ZNF282: variants seen among roughly 807,000 people sequenced by gnomAD.
ZNF282 encodes zinc finger protein 282, also known as HTLV-I U5 repressive element-binding protein 1.
Under a neutral mutation model 61.9 loss-of-function variants are expected in ZNF282, and 30 were observed. That is an observed-to-expected ratio of 0.48 (90% CI 0.36 to 0.66). ZNF282 has a LOEUF of 0.66. Among genes scored for constraint, ZNF282 ranks in the 30% least tolerant of loss-of-function variants. The pLI, the probability that ZNF282 is intolerant of heterozygous loss-of-function variation, is 0.00. For missense variants in ZNF282, 788 were observed against 941.4 expected (o/e 0.84, Z 2.13); for synonymous variants, 396 against 405.0 (o/e 0.98, Z 0.27).
chr7:149,207,310 C>T (rs1331262367), intron 3 of ZNF282, 41 bp from the exon 4 acceptor site: 5 of 1,568,578 alleles, frequency 3.2e-6, no homozygotes, highest in Non-Finnish European at 4.3e-6. Context: ...ATGCGTTGGT[C>T]AACTTCACTC....
intron 7 of ZNF282, among the ~76,000 whole-genome samples, chr7:149,220,368 C>T (rs545977325): frequency 2.1e-3 from 325 of 151,456 alleles, no homozygotes; most frequent in African/African-American, 7.3e-3. Context: ...GCTGAGATCG[C>T]GCCACTGCAC....
At position 149,220,074 on chromosome 7, in the gene ZNF282, G is replaced by C. The variant is rs373058704; in HGVS notation, c.1181-3738G>C. Reference sequence around the variant, plus strand: ...ATAACTAGACCATTGTCTCGGGTCAGATGCTCCCAACTACTTTAGAACCCT... The same window carrying C: ...ATAACTAGACCATTGTCTCGGGTCACATGCTCCCAACTACTTTAGAACCCT... On this transcript the variant is annotated intron_variant, in intron 7 of 7. Coordinates refer to ENST00000610704, the MANE Select transcript of ZNF282 (RefSeq NM_003575.4). Among the ~76,000 whole-genome samples the C allele has an allele frequency of 3.3e-5, 5 of 152,144 alleles. No individual in the cohort carries two copies. The East Asian group carries it at 9.6e-4, about 29-fold the overall frequency.
rs954952070 is a variant in ZNF282 at position 149,210,779 on chromosome 7, C to G, written c.952+75C>G. The G allele has an allele frequency of 2.7e-6, 4 of 1,456,856 alleles. No homozygotes were observed. In the African/African-American group the frequency reaches 5.7e-5, roughly 21 times the overall value. The allele number at this position is 1,456,856 out of a possible 1,614,324, so 90.2% of individuals were successfully genotyped here. A position where few individuals can be genotyped will look rare whatever the true frequency, so the allele number is the denominator to read the frequency against. On this transcript the variant is annotated intron_variant, in intron 5 of 7. Transcript: ENST00000610704. The stretch of plus-strand genomic sequence containing the variant: ...AGGGTTAGCATGGTCTGCCAGCCCC[C>G]AGAGTTAGCTGTCACATGTGCCAGG...
chr7:149,224,494 G>C lies in ZNF282; in HGVS notation c.1863G>C (p.Gln621His), dbSNP rs1323803329. The change falls in exon 8 of 8, where the codon CAG becomes CAC. Residue 621 changes from glutamine (Q) to histidine (H), a missense_variant. Physicochemically the swap from Gln to His is conservative, Grantham distance 24 (BLOSUM62 0). Around this residue, in one of 3 missense-constraint regions of ZNF282, gnomAD observed 559 missense variants for 642.0 expected, o/e 0.87. Transcript: ENST00000610704. ...GCAAGCAGAACCTGCTCAAGCACCA[G>C]CGCATCCACACGGGCGAGCGCCCCT... ...FIRKQNLLKH[Q>H]RIHTGERPYT... 1.2e-6 allele frequency: 2 copies of C among 1,613,210 alleles called. No individual in the cohort carries two copies. The highest frequency in any genetic ancestry group is 1.7e-4 in the Middle Eastern group (1 of 6,060).
intron 7 of ZNF282, among the ~76,000 whole-genome samples, chr7:149,221,822 A>C (rs1796257582): frequency 6.6e-6 from 1 of 152,058 alleles, no homozygotes; most frequent in Non-Finnish European, 1.5e-5. Context: ...ACCAACGAAT[A>C]TAGGAGGGCT....
intron 5 of ZNF282, 132 bp downstream of exon 5, chr7:149,210,836 T>TGCATCCAGGGCTGG: frequency 7.6e-7 from 1 of 1,313,444 alleles, no homozygotes; most frequent in African/African-American, 1.5e-5. Flanking sequence ...GGAAGGGCTG[T>TGCATCCAGGGCTGG]GCATCCAGGG....
At chr7:149,223,666 A>G (rs1412797988) in intron 7 of ZNF282, 146 bp from the exon 8 acceptor site, 4 of 865,380 alleles carry the variant, frequency 4.6e-6, no homozygotes, top group Non-Finnish European at 6.3e-6. Flanking sequence ...AGGGCCACGT[A>G]GATCGTGGCC....
intron 2 of ZNF282, among the ~76,000 whole-genome samples, chr7:149,199,267 T>C (rs138189332): frequency 1.6e-4 from 25 of 152,302 alleles, no homozygotes; most frequent in Admixed American, 2.0e-4. Context: ...GGATCCTCAA[T>C]GCTGCTTTTC....
chr7:149,205,592 T>G (rs1469387377), intron 2 of ZNF282, among the ~76,000 whole-genome samples: 1 of 152,014 alleles, frequency 6.6e-6, no homozygotes, highest in African/African-American at 2.4e-5. Context: ...TCCGTAGGGG[T>G]GGGGCCATGG....
Position 149,206,454 on chromosome 7 carries a change from A to G in ZNF282, c.586-242A>G, listed in dbSNP as rs973400711. ...TATCCAGTTGACCTAAAAGTGAAAT[A>G]ACAATGGATGTGGCTAAATGCTTTT... On this transcript the variant is annotated intron_variant, in intron 2 of 7. Transcript: ENST00000610704. Among the ~76,000 whole-genome samples, 5 of 152,362 alleles carry G rather than the reference A, an allele frequency of 3.3e-5. No individual in the cohort carries two copies. The East Asian group carries it at 5.8e-4, about 18-fold the overall frequency.
chr7:149,214,807 T>G (rs1465508051), intron 7 of ZNF282, among the ~76,000 whole-genome samples: 1 of 152,126 alleles, frequency 6.6e-6, no homozygotes. Flanking sequence ...CACTCCAGCC[T>G]GGGCGAGAGC....
rs1310467941 is a variant in ZNF282, at chr7:149,224,275, C to T, written c.1644C>T (p.Cys548=). ...ACACCAAGGAGCGGCCCTACGAGTG[C>T]GCTGAGTGCGAGAAGAGCTTCAACT... ...RSHTKERPYE[C]AECEKSFNCH... The change falls in exon 8 of 8, where the codon TGC becomes TGT. Residue 548 remains cysteine, a synonymous_variant. Coordinates refer to ENST00000610704, the MANE Select transcript of ZNF282 (RefSeq NM_003575.4). 20 of 1,612,982 alleles carry T rather than the reference C, an allele frequency of 1.2e-5. No individual in the cohort carries two copies. Among genetic ancestry groups the T allele is most frequent in the East Asian group, 2.2e-5 (1 of 44,870 alleles).
At position 149,207,260 on chromosome 7, in the gene ZNF282, G is replaced by A. The variant is rs1796006550; in HGVS notation, c.713-91G>A. 5 of 1,473,318 alleles carry A rather than the reference G, an allele frequency of 3.4e-6. No individual in the cohort carries two copies. In the South Asian group the frequency reaches 6.6e-5, roughly 19 times the overall value. The allele number at this position is 1,473,318 out of a possible 1,614,324, so 91.3% of individuals were successfully genotyped here. On this transcript the variant is annotated intron_variant, in intron 3 of 7. Transcript: ENST00000610704. ...AAGAGGGACACCCAGGAGGAGAGGG[G>A]GAGATGGGGTAGGGGAGAGTTCTCC...
chr7:149,200,601 A>T lies in ZNF282; in HGVS notation c.585+1849A>T, dbSNP rs553149110. Among the ~76,000 whole-genome samples, 325 of 151,554 alleles carry T rather than the reference A, an allele frequency of 2.1e-3. 2 individuals carry two copies. Among genetic ancestry groups the T allele is most frequent in the African/African-American group, 7.3e-3 (301 of 41,240 alleles). Reference sequence around the variant, plus strand: ...CACAGTCTTTATTATTTATTTATTTATTTATTTTTTTTGAGACAGAGTCCC... The same window carrying T: ...CACAGTCTTTATTATTTATTTATTTTTTTATTTTTTTTGAGACAGAGTCCC... On this transcript the variant is annotated intron_variant, in intron 2 of 7. Transcript: ENST00000610704.
chr7:149,213,967 A>C, intron 7 of ZNF282, 153 bp downstream of exon 7: 1 of 596,828 alleles, frequency 1.7e-6, no homozygotes. Flanking sequence ...AAGCACTCCC[A>C]TTCTTTTTGG....
At chr7:149,195,819 G>A (rs1413482099) in intron 1 of ZNF282, 65 bp downstream of exon 1, 8 of 1,285,428 alleles carry the variant, frequency 6.2e-6, no homozygotes, top group Non-Finnish European at 6.9e-6. Context: ...CTGGGCCGCG[G>A]GACCGGGCCG....
intron 2 of ZNF282, among the ~76,000 whole-genome samples, chr7:149,205,591 G>T (rs941512684): frequency 6.6e-6 from 1 of 152,196 alleles, no homozygotes; most frequent in African/African-American, 2.4e-5. Context: ...GTCCGTAGGG[G>T]TGGGGCCATG....
intron 2 of ZNF282, among the ~76,000 whole-genome samples, chr7:149,202,415 C>T (rs1795925969): frequency 6.6e-6 from 1 of 151,828 alleles, no homozygotes. Flanking sequence ...GGGTTCACAC[C>T]ATTCTCCGGC....
intron 2 of ZNF282, among the ~76,000 whole-genome samples, chr7:149,206,020 T>C (rs558613669): frequency 6.2e-4 from 95 of 152,254 alleles, no homozygotes; most frequent in African/African-American, 2.2e-3. Flanking sequence ...AAGTGAGTGA[T>C]TGCAAACTGA....
Sources: allele counts gnomAD v4.1 joint callset (sites outside exome capture counted in the v4.1 genomes callset), GRCh38; gene constraint gnomAD v4.1.1; regional missense constraint gnomAD v4.1.1; transcripts MANE v1.5; gene names NCBI Gene and HGNC (gene_info 2026-07-23, HGNC 2026-07-21).